The following BCKDHB variants were observed in gnomAD, a reference collection of about 807,000 sequenced individuals.
BCKDHB encodes the protein branched chain keto acid dehydrogenase E1 subunit beta, also known as 2-oxoisovalerate dehydrogenase subunit beta, mitochondrial.
In BCKDHB, 41 loss-of-function variants were observed where a neutral mutation model predicts 48.5. The ratio of observed to expected loss-of-function variants is 0.85; its 90% CI spans 0.66 to 1.10. The LOEUF (loss-of-function observed/expected upper bound fraction) is 1.10. BCKDHB is among the 50% of genes least tolerant of loss of function. The pLI is 0.00. For missense variants in BCKDHB, 496 were observed against 494.2 expected (o/e 1.00, Z -0.03); for synonymous variants, 201 against 174.8 (o/e 1.15, Z -1.18).
the BCKDHB span, among the ~76,000 whole-genome samples, chr6:80,409,440 T>C: frequency 0.051 from 7,656 of 151,028 alleles, 597 homozygotes; most frequent in African/African-American, 0.16. Context: ...TCTTTGTTAA[T>C]CTTCTGTCTC....
At chr6:80,353,929 C>A in the BCKDHB span, among the ~76,000 whole-genome samples, 1 of 152,120 alleles carries the variant, frequency 6.6e-6, no homozygotes, top group Admixed American at 6.5e-5. Context: ...ATTTGCATTT[C>A]TATGATGATT....
At position 80,345,726 on chromosome 6, in the gene BCKDHB, C is replaced by A. The variant is rs1358494830; in HGVS notation, c.*1922C>A. On this transcript the variant is annotated 3_prime_UTR_variant, in exon 10 of 10. Transcript: ENST00000320393. ...TTTTGTTGTCCATGTGGTTCCCTTC[C>A]GTGGACCAGCCGTAATAAAGAGCCA... is the stretch of plus-strand genomic sequence containing the variant. The A allele has an allele frequency of 6.6e-6, 1 of 152,192 alleles. No homozygotes were observed. Among genetic ancestry groups the A allele is most frequent in the Non-Finnish European group, 1.5e-5 (1 of 68,044 alleles). The allele number at this position is 152,192 out of a possible 1,614,324, so 9.4% of individuals were successfully genotyped here. A position where few individuals can be genotyped will look rare whatever the true frequency, so the allele number is the denominator to read the frequency against.
the BCKDHB span, among the ~76,000 whole-genome samples, chr6:80,422,699 A>C: frequency 6.6e-6 from 1 of 152,194 alleles, no homozygotes; most frequent in African/African-American, 2.4e-5. Context: ...AGATTTAATG[A>C]GTGCCCTGCC....
In BCKDHB at chr6:80,120,826, G is replaced by T. The variant is rs144743914; in HGVS notation, c.197-6721G>T. The stretch of plus-strand genomic sequence containing the variant: ...ATTCTGTAGGTTGCCCGTTCACTCT[G>T]ATGATAGTTTATTTTGCCGTGCAGA... On this transcript the variant is annotated intron_variant, in intron 1 of 9. Coordinates refer to ENST00000320393, the MANE Select transcript of BCKDHB (RefSeq NM_183050.4). 1.7e-3 allele frequency among the ~76,000 whole-genome samples: 261 copies of T among 152,278 alleles called. 1 individual carries two copies. Among genetic ancestry groups the T allele is most frequent in the African/African-American group, 6.0e-3 (251 of 41,560 alleles).
chr6:80,163,463 A>G (rs1003061239), intron 3 of BCKDHB, among the ~76,000 whole-genome samples: 3 of 152,100 alleles, frequency 2.0e-5, no homozygotes, highest in Non-Finnish European at 4.4e-5. Flanking sequence ...TTTTGGGACA[A>G]CACATTCTCC....
At chr6:80,445,268 G>T in the BCKDHB span, among the ~76,000 whole-genome samples, 1 of 152,124 alleles carries the variant, frequency 6.6e-6, no homozygotes, top group Admixed American at 6.6e-5. Context: ...AAGAAATTTT[G>T]TACTCATTTT....
In BCKDHB at chr6:80,223,440, G is replaced by A. The variant is rs546569406; in HGVS notation, c.951+20228G>A. Among the ~76,000 whole-genome samples, 3 of 152,082 alleles carry A rather than the reference G, an allele frequency of 2.0e-5. No individual in the cohort carries two copies. In the East Asian group the frequency reaches 5.8e-4, roughly 29 times the overall value. On this transcript the variant is annotated intron_variant, in intron 8 of 9. Coordinates refer to ENST00000320393, the MANE Select transcript of BCKDHB (RefSeq NM_183050.4). ...TGTCATTAAGTCATCTTCTGTTAGG[G>A]CATTTTTCTATAAATTTCTAATTTC...
chr6:80,425,972 CTT>C, the BCKDHB span, among the ~76,000 whole-genome samples: 4 of 152,094 alleles, frequency 2.6e-5, no homozygotes, highest in African/African-American at 9.7e-5. Flanking sequence ...CTGGCAAAGA[CTT>C]ATTGCTGACA....
At chr6:80,230,650 G>C (rs1171222842) in intron 8 of BCKDHB, among the ~76,000 whole-genome samples, 1 of 152,190 alleles carries the variant, frequency 6.6e-6, no homozygotes, top group Non-Finnish European at 1.5e-5. Flanking sequence ...CACTGACTGG[G>C]TAGTTTACAA....
At chr6:80,162,854 C>CA (rs897583907) in intron 3 of BCKDHB, among the ~76,000 whole-genome samples, 1 of 151,878 alleles carries the variant, frequency 6.6e-6, no homozygotes, top group African/African-American at 2.4e-5. Context: ...CATCTCAAAA[C>CA]AAAAAAACCC....
At chr6:80,440,005 A>C in the BCKDHB span, among the ~76,000 whole-genome samples, 1 of 152,232 alleles carries the variant, frequency 6.6e-6, no homozygotes, top group Non-Finnish European at 1.5e-5. Context: ...AAGGAGCAAT[A>C]AAATGGCCAT....
the BCKDHB span, among the ~76,000 whole-genome samples, chr6:80,443,096 C>G: frequency 3.9e-5 from 6 of 152,268 alleles, no homozygotes; most frequent in South Asian, 1.2e-3. Context: ...GTCAGCCAGA[C>G]AAAGGGCACT....
intron 9 of BCKDHB, among the ~76,000 whole-genome samples, chr6:80,318,485 G>A (rs1266278380): frequency 2.6e-5 from 4 of 151,942 alleles, no homozygotes; most frequent in Non-Finnish European, 4.4e-5. Context: ...TCAGGAGTTC[G>A]AGACCAGTCT....
At position 80,273,165 on chromosome 6, in the gene BCKDHB, A is replaced by G. The variant is rs1777824889; in HGVS notation, c.982A>G (p.Ser328Gly). ...SVIKTGRLLI[S>G]HEAPLTGGFA... ...GATCAAAACAGGGCGACTGCTAATCAGTCACGAGGCTCCCTTGACAGGCGG... is the reference window on the plus strand; with the variant it reads ...GATCAAAACAGGGCGACTGCTAATCGGTCACGAGGCTCCCTTGACAGGCGG... Residue 328 changes from serine (S) to glycine (G), a missense_variant, in exon 9 of 10, where the codon AGT becomes GGT. By Grantham distance (56) the Ser-to-Gly change is moderately conservative (BLOSUM62 0). Coordinates refer to ENST00000320393, the MANE Select transcript of BCKDHB (RefSeq NM_183050.4). 1 of 1,613,504 alleles carries G rather than the reference A, an allele frequency of 6.2e-7. No individual in the cohort carries two copies. Among genetic ancestry groups the G allele is most frequent in the African/African-American group, 1.3e-5 (1 of 74,888 alleles).
chr6:80,381,509 A>G, the BCKDHB span, among the ~76,000 whole-genome samples: 1 of 152,082 alleles, frequency 6.6e-6, no homozygotes, highest in Non-Finnish European at 1.5e-5. Flanking sequence ...CTTCAAGTCT[A>G]TCACATTTTA....
intron 8 of BCKDHB, among the ~76,000 whole-genome samples, chr6:80,271,639 A>G (rs1392414891): frequency 3.3e-5 from 5 of 152,074 alleles, no homozygotes; most frequent in South Asian, 2.1e-4. Context: ...TACCTGCTCA[A>G]AATTTAAGAT....
At chr6:80,261,051 C>T (rs1777279566) in intron 8 of BCKDHB, among the ~76,000 whole-genome samples, 1 of 152,122 alleles carries the variant, frequency 6.6e-6, no homozygotes, top group Non-Finnish European at 1.5e-5. Context: ...GTCCACACCA[C>T]CTTCCACTGC....
chr6:80,303,031 C>G (rs1582535932), intron 9 of BCKDHB, among the ~76,000 whole-genome samples: 1 of 152,052 alleles, frequency 6.6e-6, no homozygotes, highest in African/African-American at 2.4e-5. Flanking sequence ...GAGAAAAATA[C>G]TGATAAGACT....
chr6:80,144,069 C>T (rs889635352), intron 3 of BCKDHB, among the ~76,000 whole-genome samples: 14 of 152,060 alleles, frequency 9.2e-5, no homozygotes, highest in Non-Finnish European at 1.9e-4. Flanking sequence ...TGAATTTGAG[C>T]ATTTCTTTCT....
Sources: allele counts gnomAD v4.1 joint callset (sites outside exome capture counted in the v4.1 genomes callset), GRCh38; gene constraint gnomAD v4.1.1; transcripts MANE v1.5; gene names NCBI Gene and HGNC (gene_info 2026-07-23, HGNC 2026-07-21).